The following GPR158 variants were observed in gnomAD, a reference collection of about 807,000 sequenced individuals.
The protein encoded by GPR158 is G protein-coupled receptor 158.
In GPR158, 30 loss-of-function variants were observed where a neutral mutation model predicts 78.2. The observed-to-expected ratio is 0.38, with a 90% CI of 0.29 to 0.52. The LOEUF is 0.52. Among genes scored for constraint, GPR158 ranks in the 20% least tolerant of loss-of-function variants. The pLI, the probability that GPR158 is intolerant of heterozygous loss-of-function variation, is 0.83. For synonymous variants in GPR158, 581 were observed against 591.1 expected (o/e 0.98, Z 0.25); for missense variants, 1,463 against 1,523.5 (o/e 0.96, Z 0.66).
intron 4 of GPR158, among the ~76,000 whole-genome samples, chr10:25,440,014 TAA>T (rs1218442714): frequency 6.6e-6 from 1 of 152,104 alleles, no homozygotes; most frequent in Non-Finnish European, 1.5e-5. Flanking sequence ...TTCATGTCCA[TAA>T]AAAAATCATG....
intron 2 of GPR158, among the ~76,000 whole-genome samples, chr10:25,265,319 C>G (rs1854031308): frequency 6.6e-6 from 1 of 152,144 alleles, no homozygotes. Context: ...TCTCTCTCTT[C>G]TCTTGCTGCA....
chr10:25,310,730 A>G (rs1854751745), intron 2 of GPR158, among the ~76,000 whole-genome samples: 1 of 151,936 alleles, frequency 6.6e-6, no homozygotes, highest in Non-Finnish European at 1.5e-5. Flanking sequence ...TTATAACTTT[A>G]GTTTTTGAAG....
intron 4 of GPR158, among the ~76,000 whole-genome samples, chr10:25,429,661 C>T (rs1403408490): frequency 1.3e-5 from 2 of 151,350 alleles, no homozygotes; most frequent in African/African-American, 4.9e-5. Flanking sequence ...GCTTATCCAC[C>T]ATGATCAAGT....
chr10:25,259,002 G>C (rs900589692), intron 2 of GPR158, among the ~76,000 whole-genome samples: 4 of 152,102 alleles, frequency 2.6e-5, no homozygotes, highest in Non-Finnish European at 5.9e-5. Context: ...CATTAAGTGG[G>C]AGTAGATCAT....
chr10:25,251,179 C>T (rs1853792246), intron 2 of GPR158, among the ~76,000 whole-genome samples: 1 of 152,140 alleles, frequency 6.6e-6, no homozygotes, highest in African/African-American at 2.4e-5. Context: ...GATGTTCCTC[C>T]ATCCTTTTAT....
intron 2 of GPR158, among the ~76,000 whole-genome samples, chr10:25,227,479 T>C (rs1853389460): frequency 6.6e-6 from 1 of 152,212 alleles, no homozygotes. Flanking sequence ...TGCAACCCAG[T>C]TCTGACTTTA....
chr10:25,381,195 C>G (rs1453218999), intron 2 of GPR158, among the ~76,000 whole-genome samples: 2 of 152,122 alleles, frequency 1.3e-5, no homozygotes, highest in East Asian at 3.9e-4. Flanking sequence ...TCAGAAGTGT[C>G]TCATTCTGCA....
At chr10:25,567,452 A>G (rs1316113379) in intron 6 of GPR158, among the ~76,000 whole-genome samples, 1 of 152,312 alleles carries the variant, frequency 6.6e-6, no homozygotes, top group Non-Finnish European at 1.5e-5. Context: ...GGGATCTAAG[A>G]GTTCTCATTC....
chr10:25,591,024 T>G (rs145225467), intron 8 of GPR158, among the ~76,000 whole-genome samples: 78 of 152,256 alleles, frequency 5.1e-4, no homozygotes, highest in African/African-American at 1.7e-3. Flanking sequence ...AAAAGTTTAA[T>G]AAGGCAATAG....
chr10:25,331,691 C>T (rs189675419), intron 2 of GPR158, among the ~76,000 whole-genome samples: 3 of 152,194 alleles, frequency 2.0e-5, no homozygotes, highest in African/African-American at 7.2e-5. Context: ...TATCTGGCCT[C>T]TCTCACCCCA....
chr10:25,203,986 G>A (rs1477913734), intron 1 of GPR158, among the ~76,000 whole-genome samples: 1 of 115,772 alleles, frequency 8.6e-6, no homozygotes, highest in Non-Finnish European at 1.8e-5. Flanking sequence ...TCCCTTGTAA[G>A]TGGGATTCCT....
chr10:25,409,125 T>C (rs1361191045), intron 3 of GPR158, among the ~76,000 whole-genome samples: 2 of 152,174 alleles, frequency 1.3e-5, no homozygotes, highest in Admixed American at 1.3e-4. Context: ...TATACAGCCT[T>C]GTGTTGGCTT....
intron 2 of GPR158, among the ~76,000 whole-genome samples, chr10:25,284,831 A>C (rs1407886870): frequency 6.6e-6 from 1 of 152,072 alleles, no homozygotes; most frequent in African/African-American, 2.4e-5. Context: ...TTATTTACTC[A>C]AAGTCTACCT....
intron 5 of GPR158, among the ~76,000 whole-genome samples, chr10:25,488,942 GA>G (rs1214201852): frequency 2.6e-5 from 4 of 151,890 alleles, no homozygotes; most frequent in Admixed American, 6.6e-5. Flanking sequence ...GAAAAAAAGG[GA>G]AAAAAACTAT....
intron 2 of GPR158, among the ~76,000 whole-genome samples, chr10:25,323,465 T>C (rs1300585266): frequency 6.6e-6 from 1 of 152,184 alleles, no homozygotes; most frequent in Non-Finnish European, 1.5e-5. Flanking sequence ...AAAGGAAGAC[T>C]GTTTTGTTTA....
At chr10:25,225,874 A>T (rs1348532998) in intron 2 of GPR158, among the ~76,000 whole-genome samples, 3 of 152,168 alleles carry the variant, frequency 2.0e-5, no homozygotes, top group Non-Finnish European at 4.4e-5. Context: ...AAAAGGTAAG[A>T]AAACATATCA....
At chr10:25,445,767 G>C (rs79319926) in intron 4 of GPR158, among the ~76,000 whole-genome samples, 6 of 151,914 alleles carry the variant, frequency 3.9e-5, no homozygotes, top group African/African-American at 1.5e-4. Context: ...GAGAGAGAGA[G>C]GGAGACAGAC....
At chr10:25,536,149 G>A (rs1233935755) in intron 5 of GPR158, among the ~76,000 whole-genome samples, 3 of 151,660 alleles carry the variant, frequency 2.0e-5, no homozygotes, top group Admixed American at 6.6e-5. Context: ...CTGACTAGTA[G>A]GTAGCTCATA....
chr10:25,304,147 G>GT (rs144641949), intron 2 of GPR158, among the ~76,000 whole-genome samples: 7,079 of 147,968 alleles, frequency 0.048, 355 homozygotes, highest in African/African-American at 0.13. Context: ...TTTGTTTTTT[G>GT]TTTTTTTTTC....
Sources: gnomAD v4.1 joint callset for allele counts (sites outside exome capture counted in the v4.1 genomes callset) on GRCh38, gnomAD v4.1.1 for gene constraint, MANE v1.5 for transcripts, NCBI Gene and HGNC (gene_info 2026-07-23, HGNC 2026-07-21) for gene names.